The following ANK2 variants were observed in gnomAD, a reference collection of about 807,000 sequenced individuals.
ANK2 encodes ankyrin 2.
Under a neutral mutation model 360.5 loss-of-function variants are expected in ANK2, and 83 were observed. The ratio of observed to expected loss-of-function variants is 0.23; its 90% CI spans 0.19 to 0.28. The LOEUF is 0.28. Ranked by LOEUF, ANK2 falls within the 10% of genes least tolerant of loss-of-function variation. The probability of loss-of-function intolerance (pLI) is 1.00; values close to 1 mark genes in which losing one functional copy is unlikely to be tolerated. For synonymous variants in ANK2, 1,740 were observed against 1,759.5 expected, an observed-to-expected ratio of 0.99 and a Z score of 0.28; for missense variants, 4,201 against 4,795.7, an observed-to-expected ratio of 0.88 and a Z score of 3.66.
intron 1 of ANK2, among the ~76,000 whole-genome samples, chr4:112,892,046 G>A (rs1405759009): frequency 6.6e-6 from 1 of 150,854 alleles, no homozygotes; most frequent in East Asian, 2.0e-4. Context: ...GGCTAGGTAA[G>A]TTTTGATGAT....
intron 4 of ANK2, among the ~76,000 whole-genome samples, chr4:113,231,409 T>C (rs1170539271): frequency 6.6e-6 from 1 of 152,138 alleles, no homozygotes; most frequent in African/African-American, 2.4e-5. Context: ...CTGCTATGAG[T>C]AGTAAATTAC....
chr4:113,358,648 C>T lies in ANK2; in HGVS notation c.10030C>T (p.Pro3344Ser). 6.2e-7 allele frequency: 1 copy of T among 1,613,996 alleles called. No individual in the cohort carries two copies. Among genetic ancestry groups the T allele is most frequent in the Non-Finnish European group, 8.5e-7 (1 of 1,179,924 alleles). The change falls in exon 38 of 46, where the codon CCA (proline) becomes TCA (serine). Residue 3344 changes from proline to serine, a missense_variant. Physicochemically the swap from Pro to Ser is moderately conservative, Grantham distance 74. This residue lies in a region of ANK2 where 2,642 missense variants were observed against 2,714.5 expected (regional missense o/e 0.97). Transcript: ENST00000357077. ...DEENKADEAK[P>S]KSKLPVKVPL... ...GGAAAATAAGGCGGATGAAGCAAAACCAAAGTCCAAACTCCCTGTCAAAGT... is the reference window on the plus strand; with the variant it reads ...GGAAAATAAGGCGGATGAAGCAAAATCAAAGTCCAAACTCCCTGTCAAAGT...
At chr4:112,849,537 T>A (rs1405971077) in intron 1 of ANK2, among the ~76,000 whole-genome samples, 3 of 152,206 alleles carry the variant, frequency 2.0e-5, no homozygotes, top group Non-Finnish European at 2.9e-5. Flanking sequence ...CTTTGTTATC[T>A]CTTACCTGTC....
chr4:113,362,534 T>A (rs2096281933), intron 39 of ANK2, among the ~76,000 whole-genome samples: 2 of 152,138 alleles, frequency 1.3e-5, no homozygotes, highest in African/African-American at 4.8e-5. Context: ...AACCTCAAAC[T>A]CCCAGGCTCA....
chr4:112,892,019 A>T (rs138165777), intron 1 of ANK2, among the ~76,000 whole-genome samples: 171 of 152,338 alleles, frequency 1.1e-3, no homozygotes, highest in Non-Finnish European at 2.1e-3. Context: ...CAAAAAAGAC[A>T]TAAAAGTATA....
chr4:112,818,758 G>T (rs1028256878), intron 1 of ANK2, among the ~76,000 whole-genome samples: 24 of 152,148 alleles, frequency 1.6e-4, no homozygotes, highest in African/African-American at 5.1e-4. Context: ...GCAGTAAAGA[G>T]ATTTAATTAG....
chr4:113,056,067 C>G (rs1288370506), intron 1 of ANK2, among the ~76,000 whole-genome samples: 1 of 152,110 alleles, frequency 6.6e-6, no homozygotes, highest in Non-Finnish European at 1.5e-5. Flanking sequence ...ATGTTTTGTG[C>G]TATGTTGTTG....
In ANK2 at chr4:113,258,127, T is replaced by C. The variant is rs764584233; in HGVS notation, c.1266T>C (p.Ala422=). ...KVMELLVKYG[A]SIQAITESGL... Reference sequence around the variant, plus strand: ...TGGAACTGCTGGTGAAATATGGGGCTTCAATCCAAGCTATAACAGAGGTAG... The same window carrying C: ...TGGAACTGCTGGTGAAATATGGGGCCTCAATCCAAGCTATAACAGAGGTAG... The change falls in exon 12 of 46, where the codon GCT becomes GCC. Residue 422 remains alanine (A), a synonymous_variant. Transcript: ENST00000357077. The C allele has an allele frequency of 6.2e-7, 1 of 1,614,054 alleles. No individual in the cohort carries two copies. The highest frequency in any genetic ancestry group is 1.1e-5 in the South Asian group (1 of 91,086).
intron 1 of ANK2, among the ~76,000 whole-genome samples, chr4:113,098,780 T>C (rs754759563): frequency 1.3e-5 from 2 of 151,914 alleles, no homozygotes; most frequent in Non-Finnish European, 2.9e-5. Context: ...TGTAAAAATA[T>C]TGAACAGAAA....
intron 9 of ANK2, among the ~76,000 whole-genome samples, chr4:113,246,355 G>T (rs944741944): frequency 6.6e-6 from 1 of 152,006 alleles, no homozygotes; most frequent in Non-Finnish European, 1.5e-5. Flanking sequence ...CACCATTTTG[G>T]CAATCATTGA....
intron 14 of ANK2, among the ~76,000 whole-genome samples, chr4:113,269,262 C>A (rs1011025016): frequency 5.9e-5 from 9 of 152,198 alleles, no homozygotes; most frequent in Non-Finnish European, 1.3e-4. Context: ...CTGGCTTCAG[C>A]CCCCTTTCCA....
intron 40 of ANK2, among the ~76,000 whole-genome samples, chr4:113,364,216 T>C (rs1366994627): frequency 6.6e-6 from 1 of 152,234 alleles, no homozygotes; most frequent in Non-Finnish European, 1.5e-5. Context: ...TTATTAGTCT[T>C]TCTTAAATGT....
intron 33 of ANK2, among the ~76,000 whole-genome samples, chr4:113,342,598 G>A (rs961642671): frequency 3.3e-5 from 5 of 152,084 alleles, no homozygotes; most frequent in Non-Finnish European, 5.9e-5. Flanking sequence ...TACTCAGGAG[G>A]CAGAGGCAGG....
chr4:112,897,169 A>G (rs1670369080), intron 1 of ANK2, among the ~76,000 whole-genome samples: 1 of 152,054 alleles, frequency 6.6e-6, no homozygotes, highest in Non-Finnish European at 1.5e-5. Context: ...TTCAGGCAAA[A>G]CTAAAACCAT....
At chr4:112,947,451 T>G (rs7678728) in intron 2 of ANK2, among the ~76,000 whole-genome samples, 60,590 of 151,926 alleles carry the variant, frequency 0.4, 13,984 homozygotes, top group African/African-American at 0.63. Context: ...TGACTGAAAT[T>G]TGCACAAATG....
At chr4:113,094,483 A>C (rs1174597621) in intron 1 of ANK2, among the ~76,000 whole-genome samples, 1 of 152,100 alleles carries the variant, frequency 6.6e-6, no homozygotes, top group Non-Finnish European at 1.5e-5. Flanking sequence ...AGAGGACCAG[A>C]AGGAATTTAT....
At chr4:113,235,979 C>T (rs2099373536) in intron 5 of ANK2, among the ~76,000 whole-genome samples, 1 of 151,784 alleles carries the variant, frequency 6.6e-6, no homozygotes, top group Admixed American at 6.6e-5. Context: ...ACCTCATGAT[C>T]TGCCCGCCTC....
chr4:112,965,520 G>C (rs1041545216), intron 2 of ANK2, among the ~76,000 whole-genome samples: 2 of 151,984 alleles, frequency 1.3e-5, no homozygotes, highest in African/African-American at 4.8e-5. Context: ...GTATTTGTGG[G>C]GCATTAGTCA....
At chr4:113,291,780 C>T (rs1484411335) in intron 20 of ANK2, among the ~76,000 whole-genome samples, 1 of 152,214 alleles carries the variant, frequency 6.6e-6, no homozygotes, top group Non-Finnish European at 1.5e-5. Flanking sequence ...TCATAGTCTT[C>T]TGCACAGGAT....
Sources: allele counts gnomAD v4.1 joint callset (sites outside exome capture counted in the v4.1 genomes callset), GRCh38; gene constraint gnomAD v4.1.1; regional missense constraint gnomAD v4.1.1; transcripts MANE v1.5; gene names NCBI Gene and HGNC (gene_info 2026-07-23, HGNC 2026-07-21).